The following PAPOLA variants were observed in gnomAD, a reference collection of about 807,000 sequenced individuals.
PAPOLA encodes poly(A) polymerase alpha, also known as polynucleotide adenylyltransferase alpha.
In PAPOLA, 15 loss-of-function variants were observed where a neutral mutation model predicts 100.6. The observed-to-expected ratio is 0.15, with a 90% confidence interval of 0.10 to 0.23. PAPOLA has a LOEUF of 0.23. Among genes scored for constraint, PAPOLA ranks in the 10% least tolerant of loss-of-function variants. PAPOLA has a pLI of 1.00. For synonymous variants in PAPOLA, 293 were observed against 300.0 expected (o/e 0.98, Z 0.24); for missense variants, 533 against 884.2 (o/e 0.60, Z 5.04).
chr14:96,521,639 T>C (rs779715208), intron 3 of PAPOLA, among the ~76,000 whole-genome samples: 6 of 152,024 alleles, frequency 3.9e-5, no homozygotes, highest in Non-Finnish European at 7.4e-5. Context: ...TATAGGCATG[T>C]CCCTTCACAC....
chr14:96,538,938 A>G (rs1272945643), intron 12 of PAPOLA, among the ~76,000 whole-genome samples: 5 of 152,090 alleles, frequency 3.3e-5, no homozygotes, highest in African/African-American at 1.2e-4. Flanking sequence ...AATATACCTG[A>G]CATTCTTGGA....
chr14:96,528,066 T>A, intron 6 of PAPOLA, 60 bp downstream of exon 6: 1 of 1,123,286 alleles, frequency 8.9e-7, no homozygotes, highest in South Asian at 1.2e-5. Flanking sequence ...TTGATTGATA[T>A]AGGTTAAAAA....
chr14:96,535,699 C>CT (rs1290154877), intron 10 of PAPOLA, 180 bp from the exon 11 acceptor site: 50 of 817,006 alleles, frequency 6.1e-5, no homozygotes, highest in East Asian at 4.2e-4. Flanking sequence ...TAGATGAAAT[C>CT]TTTGATTCTA....
chr14:96,515,948 G>A (rs1897423937), intron 1 of PAPOLA, among the ~76,000 whole-genome samples: 1 of 152,206 alleles, frequency 6.6e-6, no homozygotes, highest in African/African-American at 2.4e-5. Flanking sequence ...CTGGTGTATG[G>A]TTCCAGGAGA....
intron 14 of PAPOLA, among the ~76,000 whole-genome samples, chr14:96,543,219 A>G (rs1178880920): frequency 6.6e-6 from 1 of 152,002 alleles, no homozygotes; most frequent in Non-Finnish European, 1.5e-5. Context: ...GTTTTGTACA[A>G]TAGTTGTCAG....
intron 21 of PAPOLA, among the ~76,000 whole-genome samples, chr14:96,564,640 T>C (rs1893909630): frequency 6.6e-6 from 1 of 152,084 alleles, no homozygotes; most frequent in South Asian, 2.1e-4. Flanking sequence ...GAATACAGTT[T>C]AGCAGTAACT....
intron 1 of PAPOLA, among the ~76,000 whole-genome samples, 175 bp from the exon 2 acceptor site, chr14:96,519,880 G>A (rs1246194651): frequency 6.6e-6 from 1 of 152,160 alleles, no homozygotes; most frequent in African/African-American, 2.4e-5. Flanking sequence ...CTTGGGGCAG[G>A]ATTTTCTCTT....
chr14:96,559,577 C>CTATATATATA (rs1266017605), intron 19 of PAPOLA, among the ~76,000 whole-genome samples: 9 of 110,708 alleles, frequency 8.1e-5, no homozygotes, highest in African/African-American at 3.6e-4. Flanking sequence ...CTCTCTCTCT[C>CTATATATATA]TCTCTATATA....
intron 7 of PAPOLA, chr14:96,531,819 A>G: frequency 7.1e-7 from 1 of 1,410,554 alleles, no homozygotes; most frequent in Non-Finnish European, 9.2e-7. Flanking sequence ...AGGACACTTA[A>G]AAAGACCATC....
chr14:96,549,510 A>G (rs1237725992), intron 16 of PAPOLA, among the ~76,000 whole-genome samples: 1 of 152,088 alleles, frequency 6.6e-6, no homozygotes, highest in East Asian at 1.9e-4. Context: ...AGCCTTCCAA[A>G]GTGCTGGGAT....
In PAPOLA at chr14:96,560,718, T is replaced by C. The variant is rs375684952; in HGVS notation, c.2067+7T>C. On this transcript the variant is annotated splice_region_variant and intron_variant, in intron 20 of 21. Coordinates refer to ENST00000216277, the MANE Select transcript of PAPOLA (RefSeq NM_032632.5). ...TGATAAAACAGAAGCAAAGGTATACTAATTTAGCCTTTAGAATACATACAC... is the reference window on the plus strand; with the variant it reads ...TGATAAAACAGAAGCAAAGGTATACCAATTTAGCCTTTAGAATACATACAC... 5.9e-5 allele frequency: 90 copies of C among 1,535,548 alleles called. No homozygotes were observed. Among genetic ancestry groups the C allele is most frequent in the Admixed American group, 1.4e-4 (8 of 59,034 alleles).
chr14:96,528,029 A>G, intron 6 of PAPOLA, 23 bp downstream of exon 6: 1 of 1,521,682 alleles, frequency 6.6e-7, no homozygotes, highest in Non-Finnish European at 9.1e-7. Flanking sequence ...TCAAATTGAC[A>G]GTTCTTGCTA....
rs565836731 is a variant in PAPOLA at position 96,566,887 on chromosome 14, T to G, written c.*1837T>G. 1 of 152,722 alleles carries G rather than the reference T, an allele frequency of 6.5e-6. No homozygotes were observed. Among genetic ancestry groups the G allele is most frequent in the South Asian group, 2.1e-4 (1 of 4,826 alleles). 9.5% of individuals were successfully genotyped at this position (152,722 alleles called of 1,614,324 possible). A position where few individuals can be genotyped will look rare whatever the true frequency, so the allele number is the denominator to read the frequency against. Reference sequence around the variant, plus strand: ...AACGTTTCATGTAACTGCACCCAAGTTTTGCCAAGCTGGAAACTTGGACCT... The same window carrying G: ...AACGTTTCATGTAACTGCACCCAAGGTTTGCCAAGCTGGAAACTTGGACCT... On this transcript the variant is annotated 3_prime_UTR_variant, in exon 22 of 22. Transcript: ENST00000216277.
intron 13 of PAPOLA, chr14:96,542,540 A>G: frequency 1.8e-6 from 1 of 546,900 alleles, no homozygotes; most frequent in South Asian, 2.8e-5. Flanking sequence ...AAGTGCACTT[A>G]TAGCTTGTTT....
At chr14:96,562,649 A>C (rs972369570) in intron 20 of PAPOLA, 170 bp from the exon 21 acceptor site, 16 of 466,108 alleles carry the variant, frequency 3.4e-5, no homozygotes, top group African/African-American at 3.2e-4. Flanking sequence ...TGAAATGGTG[A>C]AATAACCTAC....
At chr14:96,545,664 G>T (rs1033798244) in intron 15 of PAPOLA, among the ~76,000 whole-genome samples, 1 of 151,842 alleles carries the variant, frequency 6.6e-6, no homozygotes, top group African/African-American at 2.4e-5. Context: ...AGGAATGTAG[G>T]AAGGACATGG....
chr14:96,560,925 A>G (rs1055673390), intron 20 of PAPOLA, among the ~76,000 whole-genome samples: 39 of 152,184 alleles, frequency 2.6e-4, no homozygotes, highest in Non-Finnish European at 7.4e-5. Context: ...TTAAGTAGAC[A>G]AGATAAGTCA....
At chr14:96,520,432 A>G (rs542089774) in intron 2 of PAPOLA, among the ~76,000 whole-genome samples, 44 of 152,164 alleles carry the variant, frequency 2.9e-4, no homozygotes, top group African/African-American at 1.0e-3. Flanking sequence ...CTGGAGTGCA[A>G]TGGTGTGATC....
Position 96,527,554 on chromosome 14 carries a change from G to A in PAPOLA, c.441+15G>A. On this transcript the variant is annotated intron_variant, in intron 5 of 21. Coordinates refer to ENST00000216277, the MANE Select transcript of PAPOLA (RefSeq NM_032632.5). ...AAGATTTAAGAGTGCGTAAATGTTC[G>A]GGGTGAAATGGGATGAGTTATGAAC... 4 of 1,247,342 alleles carry A rather than the reference G, an allele frequency of 3.2e-6. No individual in the cohort carries two copies. The highest frequency in any genetic ancestry group is 1.2e-5 in the South Asian group (1 of 83,404). 77.3% of individuals were successfully genotyped at this position (1,247,342 alleles called of 1,614,324 possible).
Sources: gnomAD v4.1 joint callset for allele counts (sites outside exome capture counted in the v4.1 genomes callset) on GRCh38, gnomAD v4.1.1 for gene constraint, MANE v1.5 for transcripts, NCBI Gene and HGNC (gene_info 2026-07-23, HGNC 2026-07-21) for gene names.